The following CLYBL variants were observed in gnomAD, a reference collection of about 807,000 sequenced individuals.
CLYBL encodes the protein citramalyl-CoA lyase, also known as citramalyl-CoA lyase, mitochondrial.
Under a neutral mutation model 38.9 loss-of-function variants are expected in CLYBL, and 31 were observed. The observed-to-expected ratio is 0.80, with a 90% confidence interval of 0.60 to 1.08. The LOEUF is 1.08. Among genes scored for constraint, CLYBL ranks in the 50% least tolerant of loss-of-function variants. The pLI, the probability that CLYBL is intolerant of heterozygous loss-of-function variation, is 0.00. For missense variants in CLYBL, 434 were observed against 411.6 expected (o/e 1.05, Z -0.47); for synonymous variants, 171 against 158.6 (o/e 1.08, Z -0.59).
At chr13:99,770,237 G>A (rs2049357804) in intron 1 of CLYBL, among the ~76,000 whole-genome samples, 1 of 151,890 alleles carries the variant, frequency 6.6e-6, no homozygotes, top group Non-Finnish European at 1.5e-5. Flanking sequence ...ACAGGCGCCC[G>A]CGACTGTGCC....
chr13:99,714,776 C>T (rs1485126258), intron 1 of CLYBL, among the ~76,000 whole-genome samples: 1 of 151,856 alleles, frequency 6.6e-6, no homozygotes, highest in Admixed American at 6.6e-5. Flanking sequence ...GGTGAAACCG[C>T]GTCTCTACTA....
intron 1 of CLYBL, among the ~76,000 whole-genome samples, chr13:99,610,384 A>G (rs2046607909): frequency 6.6e-6 from 1 of 152,106 alleles, no homozygotes; most frequent in African/African-American, 2.4e-5. Flanking sequence ...TGAAAACTGG[A>G]CATTTTAAGT....
chr13:99,861,029 C>G, intron 3 of CLYBL, among the ~76,000 whole-genome samples: 1 of 152,116 alleles, frequency 6.6e-6, no homozygotes, highest in East Asian at 1.9e-4. Flanking sequence ...ATCGCTGAGC[C>G]CTGCTACTTC....
intron 2 of CLYBL, among the ~76,000 whole-genome samples, chr13:99,824,932 G>A (rs1306830529): frequency 6.8e-6 from 1 of 147,128 alleles, no homozygotes; most frequent in Non-Finnish European, 1.5e-5. Flanking sequence ...TTCACATCCT[G>A]CTTCTCACCC....
In CLYBL at chr13:99,803,293, G is replaced by A. The variant is rs1390405065; in HGVS notation, c.249+30283G>A. Among the ~76,000 whole-genome samples the A allele has an allele frequency of 2.6e-5, 4 of 152,322 alleles. No homozygotes were observed. In the East Asian group the frequency reaches 7.7e-4, roughly 29 times the overall value. On this transcript the variant is annotated intron_variant, in intron 2 of 8. Coordinates refer to ENST00000339105, the MANE Select transcript of CLYBL (RefSeq NM_206808.5). ...AAGGATGTGTTGCTACAGTCACTAA[G>A]GATAGCTTGCCCTAGAACAAAGGCA... is the stretch of plus-strand genomic sequence containing the variant.
intron 1 of CLYBL, among the ~76,000 whole-genome samples, chr13:99,630,868 G>A (rs1758486032): frequency 6.6e-6 from 1 of 152,186 alleles, no homozygotes; most frequent in Admixed American, 6.5e-5. Flanking sequence ...GTGAGATTCA[G>A]GGAAGTTAAG....
chr13:99,607,136 T>C, intron 1 of CLYBL, among the ~76,000 whole-genome samples: 1 of 152,194 alleles, frequency 6.6e-6, no homozygotes, highest in East Asian at 1.9e-4. Flanking sequence ...CGGTTTGGTC[T>C]CAGGACCCGT....
At chr13:99,744,992 C>A (rs1357564593) in intron 1 of CLYBL, among the ~76,000 whole-genome samples, 1 of 152,204 alleles carries the variant, frequency 6.6e-6, no homozygotes, top group African/African-American at 2.4e-5. Flanking sequence ...TCAAGTGAGA[C>A]CACTTGAGAT....
intron 1 of CLYBL, among the ~76,000 whole-genome samples, chr13:99,704,429 A>G (rs893488487): frequency 3.8e-4 from 58 of 152,234 alleles, no homozygotes; most frequent in African/African-American, 1.3e-3. Flanking sequence ...AAAATAGCCC[A>G]GTTGCCATAG....
chr13:99,637,053 T>A (rs1035128770), intron 1 of CLYBL, among the ~76,000 whole-genome samples: 2 of 152,210 alleles, frequency 1.3e-5, no homozygotes, highest in African/African-American at 2.4e-5. Context: ...CTAATTTTTT[T>A]ATTTTTAGTA....
At chr13:99,613,060 T>C (rs1342052990) in intron 1 of CLYBL, among the ~76,000 whole-genome samples, 2 of 144,648 alleles carry the variant, frequency 1.4e-5, no homozygotes, top group African/African-American at 5.1e-5. Context: ...ATAATAATAA[T>C]AATAACAAAA....
intron 1 of CLYBL, among the ~76,000 whole-genome samples, chr13:99,708,332 A>G (rs976621774): frequency 7.9e-5 from 12 of 152,186 alleles, no homozygotes; most frequent in Non-Finnish European, 4.4e-5. Context: ...AGAAATTCTC[A>G]GTCATCCACC....
chr13:99,836,423 A>T (rs556459544), intron 2 of CLYBL, among the ~76,000 whole-genome samples: 2 of 152,272 alleles, frequency 1.3e-5, no homozygotes, highest in South Asian at 4.2e-4. Flanking sequence ...GGGAATTTGT[A>T]ACCTTCCAGA....
intron 1 of CLYBL, among the ~76,000 whole-genome samples, chr13:99,622,249 A>G (rs1000975428): frequency 6.6e-6 from 1 of 152,210 alleles, no homozygotes; most frequent in South Asian, 2.1e-4. Context: ...CCACTTTGCC[A>G]TGTAACCTGA....
At chr13:99,675,439 T>C (rs1032707217) in intron 1 of CLYBL, among the ~76,000 whole-genome samples, 6 of 152,242 alleles carry the variant, frequency 3.9e-5, no homozygotes, top group Non-Finnish European at 7.3e-5. Flanking sequence ...TTCAGTGTTA[T>C]GCAACCATCA....
intron 6 of CLYBL, among the ~76,000 whole-genome samples, chr13:99,868,918 T>C (rs1416681723): frequency 1.3e-5 from 2 of 152,142 alleles, no homozygotes; most frequent in Non-Finnish European, 2.9e-5. Context: ...CCTAAAAGAC[T>C]TGACAGGTAT....
chr13:99,809,610 AG>A (rs1227552930), intron 2 of CLYBL, among the ~76,000 whole-genome samples: 1 of 152,234 alleles, frequency 6.6e-6, no homozygotes, highest in East Asian at 1.9e-4. Flanking sequence ...AAGCGAAGAA[AG>A]GGATGGCTGC....
intron 1 of CLYBL, among the ~76,000 whole-genome samples, chr13:99,682,739 AT>A (rs947090936): frequency 2.4e-4 from 36 of 149,516 alleles, no homozygotes; most frequent in Admixed American, 8.0e-4. Flanking sequence ...TTACTATAAC[AT>A]TTTTTTTTTC....
chr13:99,852,224 C>T (rs552980983), intron 2 of CLYBL, among the ~76,000 whole-genome samples: 6 of 152,222 alleles, frequency 3.9e-5, no homozygotes, highest in East Asian at 3.9e-4. Flanking sequence ...GGTTTCTTTT[C>T]GGGGTGATAC....
Sources: allele counts gnomAD v4.1 joint callset (sites outside exome capture counted in the v4.1 genomes callset), GRCh38; gene constraint gnomAD v4.1.1; transcripts MANE v1.5; gene names NCBI Gene and HGNC (gene_info 2026-07-23, HGNC 2026-07-21).